The following SPPL2A variants were observed in gnomAD, a reference collection of about 807,000 sequenced individuals.
SPPL2A encodes signal peptide peptidase like 2A, also known as signal peptide peptidase-like 2A.
A neutral mutation model predicts 63.8 loss-of-function variants in SPPL2A; 51 were observed. The ratio of observed to expected loss-of-function variants is 0.80; its 90% confidence interval spans 0.64 to 1.01. SPPL2A has a LOEUF of 1.01. Among genes scored for constraint, SPPL2A ranks in the 50% least tolerant of loss-of-function variants. The pLI, the probability that SPPL2A is intolerant of heterozygous loss-of-function variation, is 0.00. For synonymous variants in SPPL2A, 188 were observed against 205.8 expected (o/e 0.91, Z 0.74); for missense variants, 553 against 622.7 (o/e 0.89, Z 1.19).
intron 14 of SPPL2A, among the ~76,000 whole-genome samples, chr15:50,714,504 G>A (rs985788771): frequency 7.9e-5 from 12 of 152,018 alleles, no homozygotes; most frequent in African/African-American, 2.9e-4. Context: ...GGTGGCGCAT[G>A]CTTTTAATAC....
Position 50,736,630 on chromosome 15 carries a change from TA to T in SPPL2A, c.830+13del. On this transcript the variant is annotated intron_variant, in intron 7 of 14. Coordinates refer to ENST00000261854, the MANE Select transcript of SPPL2A (RefSeq NM_032802.4). ...AACACCAACATTATAAGATTTCCTG[TA>T]AGAGATACGTACGTGCATTGTCCAT... 7.1e-7 allele frequency: 1 copy of T among 1,406,206 alleles called. No individual in the cohort carries two copies. Among genetic ancestry groups the T allele is most frequent in the Non-Finnish European group, 1.0e-6 (1 of 1,004,438 alleles). The allele number at this position is 1,406,206 out of a possible 1,614,324, so 87.1% of individuals were successfully genotyped here.
chr15:50,721,931 G>T (rs778342014), intron 13 of SPPL2A, among the ~76,000 whole-genome samples, 193 bp downstream of exon 13: 10 of 151,994 alleles, frequency 6.6e-5, no homozygotes, highest in Non-Finnish European at 8.8e-5. Flanking sequence ...TAGAGATGGG[G>T]TCTCACTATG....
Position 50,747,641 on chromosome 15 carries a change from A to G in SPPL2A, c.451-13T>C, listed in dbSNP as rs1211884147. ...TATCTCCTAGAGTCTGAAAGGCAAA[A>G]TAACAGTTAAACACAGGAATAACTT... On this transcript the variant is annotated splice_polypyrimidine_tract_variant and intron_variant, in intron 4 of 14. Coordinates refer to ENST00000261854, the MANE Select transcript of SPPL2A (RefSeq NM_032802.4). 1.3e-6 allele frequency: 2 copies of G among 1,589,722 alleles called. No homozygotes were observed. Among genetic ancestry groups the G allele is most frequent in the Non-Finnish European group, 1.7e-6 (2 of 1,164,980 alleles).
Position 50,761,266 on chromosome 15 carries a change from T to G in SPPL2A, c.66+4202A>C, listed in dbSNP as rs2141065200. Among the ~76,000 whole-genome samples the G allele has an allele frequency of 2.0e-5, 3 of 152,242 alleles. No individual in the cohort carries two copies. The South Asian group carries it at 6.2e-4, about 32-fold the overall frequency. On this transcript the variant is annotated intron_variant, in intron 1 of 14. Transcript: ENST00000261854. ...CTCAAGCAATCCTCCAAAACAGAAC[T>G]TTTAAAGACACTATGAGGAAGACTC... is the stretch of plus-strand genomic sequence containing the variant.
At chr15:50,751,398 C>A (rs995222650) in intron 1 of SPPL2A, among the ~76,000 whole-genome samples, 2 of 152,150 alleles carry the variant, frequency 1.3e-5, no homozygotes, top group Admixed American at 6.5e-5. Context: ...ATAGTAAAAT[C>A]ATTTACAGTT....
chr15:50,740,412 A>C (rs1331756773), intron 5 of SPPL2A, among the ~76,000 whole-genome samples: 1 of 138,546 alleles, frequency 7.2e-6, no homozygotes, highest in East Asian at 2.2e-4. Flanking sequence ...GGGCAACAAG[A>C]GCGAAACTCC....
intron 1 of SPPL2A, among the ~76,000 whole-genome samples, chr15:50,754,276 G>A (rs981113897): frequency 1.7e-4 from 26 of 152,014 alleles, no homozygotes; most frequent in African/African-American, 5.3e-4. Flanking sequence ...TTGACACATC[G>A]TCATCATCCA....
chr15:50,715,425 AAGGTGCT>A (rs1457254869), intron 14 of SPPL2A, among the ~76,000 whole-genome samples: 5 of 152,216 alleles, frequency 3.3e-5, no homozygotes, highest in Non-Finnish European at 7.3e-5. Flanking sequence ...AGAAGGAGGA[AAGGTGCT>A]AGAATCAACC....
At chr15:50,721,129 G>A (rs1201905305) in intron 13 of SPPL2A, among the ~76,000 whole-genome samples, 1 of 151,968 alleles carries the variant, frequency 6.6e-6, no homozygotes, top group African/African-American at 2.4e-5. Flanking sequence ...CACTTCCCAG[G>A]TTCAAGCAAT....
chr15:50,716,273 C>A (rs1828709197), intron 14 of SPPL2A, among the ~76,000 whole-genome samples: 2 of 152,172 alleles, frequency 1.3e-5, no homozygotes, highest in Admixed American at 6.5e-5. Flanking sequence ...CAGCTCACTA[C>A]AACCTCCACC....
chr15:50,742,371 CAA>C (rs2062828873), intron 5 of SPPL2A, among the ~76,000 whole-genome samples: 1 of 150,868 alleles, frequency 6.6e-6, no homozygotes. Context: ...ACCTGGGCAA[CAA>C]GAGCAAAACC....
At chr15:50,721,999 A>G in intron 13 of SPPL2A, 125 bp downstream of exon 13, 3 of 581,676 alleles carry the variant, frequency 5.2e-6, no homozygotes, top group Non-Finnish European at 6.1e-6. Context: ...TTGGCCCCCA[A>G]AGTGCTAGGA....
chr15:50,724,622 G>C (rs749657341), intron 12 of SPPL2A, among the ~76,000 whole-genome samples: 3 of 151,754 alleles, frequency 2.0e-5, no homozygotes, highest in Non-Finnish European at 4.4e-5. Flanking sequence ...TCAGTTGATA[G>C]AGGAATATTA....
At chr15:50,727,821 A>G (rs2062697878) in intron 10 of SPPL2A, among the ~76,000 whole-genome samples, 3 of 152,234 alleles carry the variant, frequency 2.0e-5, no homozygotes, top group Admixed American at 6.5e-5. Context: ...GCCTTAATAA[A>G]AACAAACAAA....
chr15:50,733,898 T>C (rs2062749533), intron 8 of SPPL2A, among the ~76,000 whole-genome samples: 1 of 151,712 alleles, frequency 6.6e-6, no homozygotes, highest in South Asian at 2.1e-4. Context: ...AACCAACAGA[T>C]ATATGAAAAA....
At chr15:50,763,217 C>T (rs2063027496) in intron 1 of SPPL2A, among the ~76,000 whole-genome samples, 1 of 151,982 alleles carries the variant, frequency 6.6e-6, no homozygotes, top group African/African-American at 2.4e-5. Context: ...AGGAAAGGAA[C>T]TAGGTATCCA....
At chr15:50,723,623 G>A (rs974911946) in intron 12 of SPPL2A, among the ~76,000 whole-genome samples, 1 of 152,074 alleles carries the variant, frequency 6.6e-6, no homozygotes, top group African/African-American at 2.4e-5. Context: ...TTATGGGCGT[G>A]TGCTAACACA....
chr15:50,724,559 C>G (rs1234418307), intron 12 of SPPL2A, among the ~76,000 whole-genome samples: 1 of 143,010 alleles, frequency 7.0e-6, no homozygotes, highest in Non-Finnish European at 1.5e-5. Context: ...GCCTGGGCAA[C>G]AGAGCAAGAC....
intron 1 of SPPL2A, among the ~76,000 whole-genome samples, chr15:50,753,446 G>C (rs759076896): frequency 1.3e-5 from 2 of 152,126 alleles, no homozygotes; most frequent in Non-Finnish European, 2.9e-5. Context: ...CAATAGATAT[G>C]GTAGAAAGGT....
Sources: allele counts gnomAD v4.1 joint callset (sites outside exome capture counted in the v4.1 genomes callset), GRCh38; gene constraint gnomAD v4.1.1; transcripts MANE v1.5; gene names NCBI Gene and HGNC (gene_info 2026-07-23, HGNC 2026-07-21).